LINGO2: variants seen among roughly 807,000 people sequenced by gnomAD.
The protein encoded by LINGO2 is leucine-rich repeat and immunoglobulin-like domain-containing nogo receptor-interacting protein 2.
Under a neutral mutation model 30.6 loss-of-function variants are expected in LINGO2, and 14 were observed. That is an observed-to-expected ratio of 0.46 (90% confidence interval 0.30 to 0.72). The LOEUF is 0.72. LINGO2 is among the 30% of genes least tolerant of loss of function. The pLI, the probability that LINGO2 is intolerant of heterozygous loss-of-function variation, is 0.07. For synonymous variants in LINGO2, 317 were observed against 288.5 expected (o/e 1.10, Z -1.00); for missense variants, 729 against 751.7 (o/e 0.97, Z 0.35).
At chr9:28,870,169 G>A in the LINGO2 span, among the ~76,000 whole-genome samples, 1 of 151,898 alleles carries the variant, frequency 6.6e-6, no homozygotes, top group African/African-American at 2.4e-5. Context: ...AACCATACCT[G>A]ATATTTGTAA....
At chr9:28,575,343 G>C (rs1351021627) in intron 1 of LINGO2, among the ~76,000 whole-genome samples, 2 of 150,432 alleles carry the variant, frequency 1.3e-5, no homozygotes, top group Non-Finnish European at 3.0e-5. Flanking sequence ...AGGTTGCAGT[G>C]AGCCAAGATT....
the LINGO2 span, among the ~76,000 whole-genome samples, chr9:29,054,777 T>C: frequency 1.3e-5 from 2 of 152,112 alleles, no homozygotes; most frequent in Admixed American, 1.3e-4. Flanking sequence ...TACAAACATA[T>C]ATATTTAAAA....
At chr9:28,970,701 AG>A in the LINGO2 span, among the ~76,000 whole-genome samples, 3 of 152,164 alleles carry the variant, frequency 2.0e-5, no homozygotes, top group African/African-American at 7.2e-5. Context: ...CCTAGCCAAA[AG>A]GGAATTGCCA....
chr9:28,198,257 A>AC (rs1054253012), intron 4 of LINGO2, among the ~76,000 whole-genome samples: 8 of 151,776 alleles, frequency 5.3e-5, no homozygotes, highest in Non-Finnish European at 1.0e-4. Flanking sequence ...ATGAAAAAAA[A>AC]AAACAAACTC....
chr9:28,640,431 C>T (rs564064384), intron 1 of LINGO2, among the ~76,000 whole-genome samples: 42 of 151,876 alleles, frequency 2.8e-4, no homozygotes, highest in Non-Finnish European at 5.9e-4. Flanking sequence ...AACTTGGTTC[C>T]ATTCTCCCCG....
intron 4 of LINGO2, among the ~76,000 whole-genome samples, chr9:28,088,126 T>C (rs13302556): frequency 0.14 from 20,621 of 151,884 alleles, 1,649 homozygotes; most frequent in African/African-American, 0.22. Context: ...TGTTTTCTTA[T>C]CTATAGTATT....
chr9:28,574,855 T>G (rs1823877508), intron 1 of LINGO2, among the ~76,000 whole-genome samples: 1 of 152,178 alleles, frequency 6.6e-6, no homozygotes. Context: ...ACTCTCATTT[T>G]AAAAAGAAAG....
At chr9:28,922,429 T>C in the LINGO2 span, among the ~76,000 whole-genome samples, 1 of 152,196 alleles carries the variant, frequency 6.6e-6, no homozygotes, top group Non-Finnish European at 1.5e-5. Context: ...ATGATAAGTT[T>C]CAATGAGTTA....
the LINGO2 span, among the ~76,000 whole-genome samples, chr9:28,945,111 G>A: frequency 2.0e-5 from 3 of 152,130 alleles, no homozygotes; most frequent in East Asian, 5.8e-4. Context: ...GGAAGCAGCT[G>A]TACCAGTTGC....
the LINGO2 span, among the ~76,000 whole-genome samples, chr9:28,941,205 G>C: frequency 6.6e-6 from 1 of 152,100 alleles, no homozygotes; most frequent in African/African-American, 2.4e-5. Flanking sequence ...GAAAAACTTA[G>C]AGACTCTGAC....
the LINGO2 span, among the ~76,000 whole-genome samples, chr9:28,837,580 G>A: frequency 2.0e-5 from 3 of 147,972 alleles, no homozygotes; most frequent in East Asian, 4.1e-4. Flanking sequence ...CCAAGAGGCA[G>A]AGGTTGTGGT....
chr9:28,103,517 A>G (rs1406237031), intron 4 of LINGO2, among the ~76,000 whole-genome samples: 1 of 152,110 alleles, frequency 6.6e-6, no homozygotes, highest in Non-Finnish European at 1.5e-5. Flanking sequence ...AAGATGAAAG[A>G]CACATGGCCT....
At position 28,595,278 on chromosome 9, in the gene LINGO2, T is replaced by A. The variant is rs915229135; in HGVS notation, c.-365+74922A>T. On this transcript the variant is annotated intron_variant, in intron 1 of 5. Transcript: ENST00000379992. The stretch of plus-strand genomic sequence containing the variant: ...GAGACAGAAATACATAATATCATCT[T>A]AAATGTAGTTTCATTTGCTTGTTTG... 5.3e-5 allele frequency among the ~76,000 whole-genome samples: 8 copies of A among 152,238 alleles called. 1 individual carries two copies. The highest frequency in any genetic ancestry group is 6.8e-3 in the Middle Eastern group (2 of 294).
intron 3 of LINGO2, among the ~76,000 whole-genome samples, chr9:28,330,414 A>T (rs981452119): frequency 6.6e-6 from 1 of 152,258 alleles, no homozygotes; most frequent in South Asian, 2.1e-4. Context: ...TCCTCTCTCC[A>T]CAAGTTTTCC....
At chr9:28,350,808 CACA>C (rs1819842401) in intron 3 of LINGO2, among the ~76,000 whole-genome samples, 1 of 151,048 alleles carries the variant, frequency 6.6e-6, no homozygotes, top group African/African-American at 2.4e-5. Flanking sequence ...TCTCTCAGAC[CACA>C]GTGCAATCAA....
the LINGO2 span, among the ~76,000 whole-genome samples, chr9:29,137,955 G>A: frequency 6.6e-6 from 1 of 151,940 alleles, no homozygotes; most frequent in Non-Finnish European, 1.5e-5. Flanking sequence ...ATCATGTAAA[G>A]TGCTTCAATC....
chr9:28,533,147 G>A (rs987003449), intron 1 of LINGO2, among the ~76,000 whole-genome samples: 4 of 151,990 alleles, frequency 2.6e-5, no homozygotes, highest in African/African-American at 9.7e-5. Flanking sequence ...AAGGTGGAAG[G>A]GGCTGACTTG....
At chr9:27,963,416 G>T (rs1819942647) in intron 5 of LINGO2, among the ~76,000 whole-genome samples, 2 of 152,054 alleles carry the variant, frequency 1.3e-5, no homozygotes, top group Non-Finnish European at 2.9e-5. Flanking sequence ...AAAGAGAAAT[G>T]AATTTTAAGC....
At chr9:28,454,224 A>G (rs1214433816) in intron 2 of LINGO2, among the ~76,000 whole-genome samples, 1 of 152,042 alleles carries the variant, frequency 6.6e-6, no homozygotes, top group African/African-American at 2.4e-5. Flanking sequence ...ATAAATATCA[A>G]TATATACCAA....
Sources: allele counts gnomAD v4.1 joint callset (sites outside exome capture counted in the v4.1 genomes callset), GRCh38; gene constraint gnomAD v4.1.1; transcripts MANE v1.5; gene names NCBI Gene and HGNC (gene_info 2026-07-23, HGNC 2026-07-21).